The following TAFA5 variants were observed in gnomAD, a reference collection of about 807,000 sequenced individuals.
TAFA5 encodes the protein TAFA chemokine like family member 5, also known as chemokine-like protein TAFA-5.
TAFA5 carries 6 observed loss-of-function variants against 15.3 expected under a neutral mutation model. The ratio of observed to expected loss-of-function variants is 0.39; its 90% CI spans 0.21 to 0.77. The LOEUF (loss-of-function observed/expected upper bound fraction) is 0.77. TAFA5 is among the 30% of genes least tolerant of loss of function. The pLI, the probability that TAFA5 is intolerant of heterozygous loss-of-function variation, is 0.41. For synonymous variants in TAFA5, 103 were observed against 80.7 expected (o/e 1.28, Z -1.48); for missense variants, 161 against 193.1 (o/e 0.83, Z 0.98).
At chr22:48,591,411 A>AC (rs1423398461) in intron 1 of TAFA5, among the ~76,000 whole-genome samples, 1 of 151,766 alleles carries the variant, frequency 6.6e-6, no homozygotes, top group Non-Finnish European at 1.5e-5. Context: ...CTCTCCTCCC[A>AC]CCCCCGTGCG....
rs545149520 is a variant in TAFA5 at position 48,710,523 on chromosome 22, C to T, written c.390+2679C>T. ...CCAGGGCCACCCAACCAGCCTCCCG[C>T]ATCCGTCCAGGGCCGCCCAAGCAGC... On this transcript the variant is annotated intron_variant, in intron 3 of 3. Transcript: ENST00000402357. Among the ~76,000 whole-genome samples, 47 of 152,234 alleles carry T rather than the reference C, an allele frequency of 3.1e-4. No individual in the cohort carries two copies. In the East Asian group the frequency reaches 6.8e-3, roughly 22 times the overall value.
At chr22:48,689,967 C>G (rs141495270) in intron 2 of TAFA5, among the ~76,000 whole-genome samples, 8 of 152,264 alleles carry the variant, frequency 5.3e-5, no homozygotes, top group African/African-American at 1.7e-4. Flanking sequence ...TCCCTGTACA[C>G]CGCTCTGCCT....
rs114297168 is a variant in TAFA5, at chr22:48,612,993, G to T, written c.113-33604G>T. ...TGAGCATGTCACAGACCCAGGAGGT[G>T]GGGCTCCTCCTCTGGCATCCCTGGC... On this transcript the variant is annotated intron_variant, in intron 1 of 3. Coordinates refer to ENST00000402357, the MANE Select transcript of TAFA5 (RefSeq NM_001082967.3). Among the ~76,000 whole-genome samples, 1,453 of 152,232 alleles carry T rather than the reference G, an allele frequency of 9.5e-3. 24 individuals are homozygous for T. The highest frequency in any genetic ancestry group is 0.034 in the African/African-American group (1,398 of 41,530).
intron 2 of TAFA5, among the ~76,000 whole-genome samples, chr22:48,661,948 C>G (rs943722273): frequency 3.6e-5 from 4 of 111,140 alleles, no homozygotes; most frequent in Admixed American, 9.7e-5. Context: ...GAGATGGTGA[C>G]TGGGGGCTCA....
At chr22:48,588,560 A>C (rs990251118) in intron 1 of TAFA5, among the ~76,000 whole-genome samples, 6 of 152,052 alleles carry the variant, frequency 3.9e-5, no homozygotes, top group African/African-American at 1.2e-4. Flanking sequence ...GTTGGACTCG[A>C]AGTGGGTCCC....
intron 2 of TAFA5, among the ~76,000 whole-genome samples, chr22:48,672,800 A>G (rs775365621): frequency 1.4e-4 from 21 of 152,130 alleles, no homozygotes; most frequent in Non-Finnish European, 2.6e-4. Context: ...ATCTGTGATT[A>G]TTTCTTTTCC....
Position 48,490,544 on chromosome 22 carries a change from C to T in TAFA5, c.112+840C>T, listed in dbSNP as rs1391251013. Among the ~76,000 whole-genome samples, 1 of 151,654 alleles carries T rather than the reference C, an allele frequency of 6.6e-6. No homozygotes were observed. The highest frequency in any genetic ancestry group is 2.4e-5 in the African/African-American group (1 of 41,286). ...TCCCGGGTGCAGACTCCAGCCTCGG[C>T]GCTGGGGAGGGTGCTCAGCATCCCG... is the stretch of plus-strand genomic sequence containing the variant. On this transcript the variant is annotated intron_variant, in intron 1 of 3. Coordinates refer to ENST00000402357, the MANE Select transcript of TAFA5 (RefSeq NM_001082967.3). The surrounding 1 kb of genome is among the most constrained non-coding windows in gnomAD (Gnocchi z 5.8).
chr22:48,492,346 A>G (rs1324332432), intron 1 of TAFA5, among the ~76,000 whole-genome samples: 1 of 152,232 alleles, frequency 6.6e-6, no homozygotes, highest in African/African-American at 2.4e-5. Flanking sequence ...GAAACTGATA[A>G]GTATCATACA....
At chr22:48,693,851 GACTA>G (rs561320508) in intron 2 of TAFA5, among the ~76,000 whole-genome samples, 5 of 152,132 alleles carry the variant, frequency 3.3e-5, no homozygotes, top group South Asian at 2.1e-4. Flanking sequence ...CCATCTTACT[GACTA>G]TGCCATCTCA....
intron 3 of TAFA5, 83 bp downstream of exon 3, chr22:48,707,927 G>A: frequency 1.3e-6 from 2 of 1,525,942 alleles, no homozygotes; most frequent in Non-Finnish European, 1.8e-6. Flanking sequence ...GGGCTCCGCG[G>A]GGACAGGTGG....
rs945681011 is a variant in TAFA5, at chr22:48,566,060, TGATG to T, written c.112+76373_112+76376del. On this transcript the variant is annotated intron_variant, in intron 1 of 3. Transcript: ENST00000402357. This position sits in a 1 kb window ranked among gnomAD's most constrained non-coding sequence, Gnocchi z 4.5. ...AGATGATGAGCTGATGATGGATGGA[TGATG>T]GATGGATGGATGGATGATGGATGAA... 2.0e-5 allele frequency among the ~76,000 whole-genome samples: 3 copies of T among 150,748 alleles called. No individual in the cohort carries two copies. The highest frequency in any genetic ancestry group is 2.1e-4 in the South Asian group (1 of 4,724).
rs1027192966 is a variant in TAFA5, at chr22:48,742,378, A to G, written c.391-7461A>G. On this transcript the variant is annotated intron_variant, in intron 3 of 3. Coordinates refer to ENST00000402357, the MANE Select transcript of TAFA5 (RefSeq NM_001082967.3). The surrounding 1 kb of genome is among the most constrained non-coding windows in gnomAD (Gnocchi z 6.2). ...GGACACAGACAGCAGAGTCAAGCAC[A>G]GTTTTAGTCAGAGCCCACATTAACA... Among the ~76,000 whole-genome samples the G allele has an allele frequency of 1.3e-5, 2 of 152,226 alleles. No homozygotes were observed. Among genetic ancestry groups the G allele is most frequent in the Non-Finnish European group, 2.9e-5 (2 of 68,042 alleles).
intron 3 of TAFA5, among the ~76,000 whole-genome samples, chr22:48,736,873 C>T (rs530353680): frequency 4.6e-5 from 7 of 152,170 alleles, no homozygotes; most frequent in African/African-American, 7.2e-5. Context: ...GCGTTGCTTT[C>T]GAGGAGATGA....
At chr22:48,665,220 A>G (rs1414671923) in intron 2 of TAFA5, among the ~76,000 whole-genome samples, 1 of 151,996 alleles carries the variant, frequency 6.6e-6, no homozygotes, top group Non-Finnish European at 1.5e-5. Flanking sequence ...GCTTTTTATG[A>G]AGTGTTCATT....
Position 48,560,984 on chromosome 22 carries a change from C to A in TAFA5, c.112+71280C>A, listed in dbSNP as rs1204899821. On this transcript the variant is annotated intron_variant, in intron 1 of 3. Transcript: ENST00000402357. This position sits in a 1 kb window ranked among gnomAD's most constrained non-coding sequence, Gnocchi z 4.2. ...TTCTCATCCTGTGCAGTCCTCTACA[C>A]CTGGGGATGGAGCGGTTCCCTGTGT... is the stretch of plus-strand genomic sequence containing the variant. Among the ~76,000 whole-genome samples the A allele has an allele frequency of 6.6e-6, 1 of 152,144 alleles. No homozygotes were observed. The highest frequency in any genetic ancestry group is 1.5e-5 in the Non-Finnish European group (1 of 68,022).
chr22:48,695,699 G>A (rs1231096801), intron 2 of TAFA5, among the ~76,000 whole-genome samples: 1 of 152,154 alleles, frequency 6.6e-6, no homozygotes, highest in Admixed American at 6.5e-5. Context: ...TCAGGTTTGG[G>A]GGTGGGCAAG....
intron 3 of TAFA5, 43 bp downstream of exon 3, chr22:48,707,887 G>A (rs1171756680): frequency 1.3e-6 from 2 of 1,595,664 alleles, no homozygotes; most frequent in South Asian, 1.1e-5. Context: ...TGGGGAGGGG[G>A]TATGTGTGTG....
intron 3 of TAFA5, among the ~76,000 whole-genome samples, chr22:48,738,323 G>T (rs556906167): frequency 6.6e-6 from 1 of 152,320 alleles, no homozygotes; most frequent in African/African-American, 2.4e-5. Context: ...CCACTGCGTG[G>T]ATTGTGATGT....
In TAFA5 at chr22:48,552,259, G is replaced by A. The variant is rs545222787; in HGVS notation, c.112+62555G>A. ...TGTGGGCCAGCTGCCTTTGCTTGCTGGTGTCCTGGTGCCTGGCTGCTGTCA... is the reference window on the plus strand; with the variant it reads ...TGTGGGCCAGCTGCCTTTGCTTGCTAGTGTCCTGGTGCCTGGCTGCTGTCA... On this transcript the variant is annotated intron_variant, in intron 1 of 3. Transcript: ENST00000402357. The surrounding 1 kb of genome is among the most constrained non-coding windows in gnomAD (Gnocchi z 4.1). Among the ~76,000 whole-genome samples, 18 of 152,284 alleles carry A rather than the reference G, an allele frequency of 1.2e-4. No homozygotes were observed. Among genetic ancestry groups the A allele is most frequent in the African/African-American group, 4.3e-4 (18 of 41,572 alleles).
Sources: allele counts gnomAD v4.1 joint callset (sites outside exome capture counted in the v4.1 genomes callset), GRCh38; gene constraint gnomAD v4.1.1; non-coding constraint Gnocchi (gnomAD v3.1); transcripts MANE v1.5; gene names NCBI Gene and HGNC (gene_info 2026-07-23, HGNC 2026-07-21).